The following PID1 variants were observed in gnomAD, a reference collection of about 807,000 sequenced individuals.
PID1 encodes phosphotyrosine interaction domain containing 1.
Under a neutral mutation model 19.1 loss-of-function variants are expected in PID1, and 10 were observed. The observed-to-expected ratio is 0.52, with a 90% CI of 0.32 to 0.89. The LOEUF is 0.89. Among genes scored for constraint, PID1 ranks in the 40% least tolerant of loss-of-function variants. The pLI, the probability that PID1 is intolerant of heterozygous loss-of-function variation, is 0.03. For synonymous variants in PID1, 130 were observed against 116.0 expected (o/e 1.12, Z -0.78); for missense variants, 248 against 285.3 (o/e 0.87, Z 0.94).
chr2:229,130,773 T>C (rs1210987409), intron 2 of PID1, among the ~76,000 whole-genome samples: 1 of 152,192 alleles, frequency 6.6e-6, no homozygotes, highest in Non-Finnish European at 1.5e-5. Flanking sequence ...ACGTCTGCAA[T>C]GTCTGATGGG....
At chr2:229,046,379 T>TGTGTGTGC (rs1352720954) in intron 2 of PID1, among the ~76,000 whole-genome samples, 18 of 144,272 alleles carry the variant, frequency 1.2e-4, no homozygotes, top group African/African-American at 4.1e-4. Context: ...TGTGTGTGTG[T>TGTGTGTGC]GCGTGTGTGT....
chr2:229,143,869 C>T (rs982965448), intron 2 of PID1, among the ~76,000 whole-genome samples: 1 of 152,104 alleles, frequency 6.6e-6, no homozygotes, highest in Non-Finnish European at 1.5e-5. Context: ...GCCTCCCCAG[C>T]TGTGTGGAAC....
chr2:229,231,369 A>G (rs971703948), intron 1 of PID1, among the ~76,000 whole-genome samples: 3 of 152,120 alleles, frequency 2.0e-5, no homozygotes, highest in African/African-American at 4.8e-5. Context: ...TAATTTTCAC[A>G]GTCAATTGCC....
chr2:229,209,999 T>C (rs1691691964), intron 1 of PID1, among the ~76,000 whole-genome samples: 1 of 152,160 alleles, frequency 6.6e-6, no homozygotes, highest in East Asian at 1.9e-4. Context: ...ATCACTTTTT[T>C]TCAAACCACA....
chr2:229,140,294 A>G lies in PID1; in HGVS notation c.177+15524T>C, dbSNP rs147077012. The stretch of plus-strand genomic sequence containing the variant: ...TAATCAGTGTCACATACAGAATTAG[A>G]AGTATCCTAAGGGAGGGTGGGCATC... On this transcript the variant is annotated intron_variant, in intron 2 of 2. Coordinates refer to ENST00000392055, the MANE Select transcript of PID1 (RefSeq NM_001100818.2). Among the ~76,000 whole-genome samples, 190 of 152,250 alleles carry G rather than the reference A, an allele frequency of 1.2e-3. 1 individual carries two copies. The highest frequency in any genetic ancestry group is 4.5e-3 in the African/African-American group (186 of 41,556).
chr2:229,048,687 CAATGAT>C (rs1467305293), intron 2 of PID1, among the ~76,000 whole-genome samples: 1 of 152,140 alleles, frequency 6.6e-6, no homozygotes. Context: ...ATGTATGTTA[CAATGAT>C]AATATGTGCT....
intron 2 of PID1, among the ~76,000 whole-genome samples, chr2:229,134,039 T>C (rs1257765348): frequency 6.6e-6 from 1 of 151,942 alleles, no homozygotes; most frequent in African/African-American, 2.4e-5. Flanking sequence ...CTAGTATCAC[T>C]TCCCTAGTGT....
rs201135910 is a variant in PID1 at position 229,046,574 on chromosome 2, AG to A, written c.178-20467del. On this transcript the variant is annotated intron_variant, in intron 2 of 2. Coordinates refer to ENST00000392055, the MANE Select transcript of PID1 (RefSeq NM_001100818.2). ...GTTTACCTTAATTTCTTTCAGAAAA[AG>A]TAAAAAAAAAATTATATAATTTAAG... Among the ~76,000 whole-genome samples, 1,256 of 151,800 alleles carry A rather than the reference AG, an allele frequency of 8.3e-3. 22 individuals are homozygous for A. The highest frequency in any genetic ancestry group is 0.029 in the African/African-American group (1,203 of 41,256).
At chr2:229,122,755 C>T (rs1403060632) in intron 2 of PID1, among the ~76,000 whole-genome samples, 1 of 152,140 alleles carries the variant, frequency 6.6e-6, no homozygotes, top group African/African-American at 2.4e-5. Context: ...TTTTAGCCAA[C>T]CCTATGCCCT....
At chr2:229,145,508 A>T (rs1690112059) in intron 2 of PID1, among the ~76,000 whole-genome samples, 1 of 152,216 alleles carries the variant, frequency 6.6e-6, no homozygotes, top group African/African-American at 2.4e-5. Context: ...GATAATAATT[A>T]AACTAAATTT....
chr2:229,182,637 A>T (rs1172549764), intron 1 of PID1, among the ~76,000 whole-genome samples: 1 of 152,162 alleles, frequency 6.6e-6, no homozygotes, highest in Admixed American at 6.5e-5. Flanking sequence ...TCGCCCTCTC[A>T]CGTCCCTTGG....
At chr2:229,064,130 T>C (rs1694272410) in intron 2 of PID1, among the ~76,000 whole-genome samples, 1 of 152,168 alleles carries the variant, frequency 6.6e-6, no homozygotes, top group Admixed American at 6.6e-5. Context: ...GCAAATAACA[T>C]GCACAGATCT....
intron 2 of PID1, among the ~76,000 whole-genome samples, chr2:229,146,359 G>C (rs989280661): frequency 6.6e-6 from 1 of 152,074 alleles, no homozygotes; most frequent in Non-Finnish European, 1.5e-5. Context: ...GAGATAATTA[G>C]GACAAATACC....
intron 2 of PID1, among the ~76,000 whole-genome samples, chr2:229,132,187 A>T (rs1460659919): frequency 6.6e-6 from 1 of 152,188 alleles, no homozygotes; most frequent in Admixed American, 6.5e-5. Context: ...CAGGGGATAA[A>T]GAATTAATAG....
chr2:229,072,491 G>T (rs1181042191), intron 2 of PID1, among the ~76,000 whole-genome samples: 1 of 152,140 alleles, frequency 6.6e-6, no homozygotes, highest in Non-Finnish European at 1.5e-5. Flanking sequence ...AGGAGGCTGA[G>T]GCAGGAGAAT....
intron 2 of PID1, among the ~76,000 whole-genome samples, chr2:229,093,332 C>T (rs530998403): frequency 2.0e-5 from 3 of 151,940 alleles, no homozygotes; most frequent in Non-Finnish European, 4.4e-5. Flanking sequence ...CCACGTTGTC[C>T]AGGCTGGTCT....
At chr2:229,113,251 C>A (rs2106150501) in intron 2 of PID1, among the ~76,000 whole-genome samples, 1 of 151,966 alleles carries the variant, frequency 6.6e-6, no homozygotes, top group African/African-American at 2.4e-5. Context: ...TCAAGGGCAC[C>A]TTGTAGATCT....
chr2:229,085,487 T>A (rs1694746278), intron 2 of PID1, among the ~76,000 whole-genome samples: 1 of 152,196 alleles, frequency 6.6e-6, no homozygotes, highest in Non-Finnish European at 1.5e-5. Flanking sequence ...TTGAATTGAA[T>A]TTTGAGAGAG....
chr2:229,184,345 C>CATGTATATATATCCCATATATATCCCAT (rs1691043366), intron 1 of PID1, among the ~76,000 whole-genome samples: 1 of 27,392 alleles, frequency 3.7e-5, no homozygotes, highest in Non-Finnish European at 6.9e-5. Context: ...ATATATATCC[C>CATGTATATATATCCCATATATATCCCAT]ATATATATAT....
Sources: allele counts gnomAD v4.1 joint callset (sites outside exome capture counted in the v4.1 genomes callset), GRCh38; gene constraint gnomAD v4.1.1; transcripts MANE v1.5; gene names NCBI Gene and HGNC (gene_info 2026-07-23, HGNC 2026-07-21).